The following MAPRE2 variants were observed in gnomAD, a reference collection of about 807,000 sequenced individuals.
The protein encoded by MAPRE2 is microtubule associated protein RP/EB family member 2.
Under a neutral mutation model 43.2 loss-of-function variants are expected in MAPRE2, and 13 were observed. The observed-to-expected ratio is 0.30, with a 90% CI of 0.20 to 0.48. The LOEUF (loss-of-function observed/expected upper bound fraction) is 0.48. MAPRE2 is among the 20% of genes least tolerant of loss of function. MAPRE2 has a pLI of 0.99. For missense variants in MAPRE2, 161 were observed against 400.2 expected, an observed-to-expected ratio of 0.40 and a Z score of 5.10; for synonymous variants, 135 against 148.8, an observed-to-expected ratio of 0.91 and a Z score of 0.68.
At chr18:35,048,646 T>C (rs1480925743) in intron 1 of MAPRE2, among the ~76,000 whole-genome samples, 1 of 149,166 alleles carries the variant, frequency 6.7e-6, no homozygotes, top group East Asian at 1.9e-4. Flanking sequence ...ACTATATGTG[T>C]ATATGTGTTT....
intron 1 of MAPRE2, among the ~76,000 whole-genome samples, chr18:34,986,404 C>T (rs1250746651): frequency 6.6e-6 from 1 of 152,166 alleles, no homozygotes; most frequent in African/African-American, 2.4e-5. Context: ...TGAGCAGCTT[C>T]AGCTCTCCAT....
At chr18:35,089,460 A>G (rs185648512) in intron 2 of MAPRE2, among the ~76,000 whole-genome samples, 145 of 152,350 alleles carry the variant, frequency 9.5e-4, no homozygotes, top group Middle Eastern at 3.4e-3. Flanking sequence ...CAATTCAACA[A>G]TAAAAAAGCA....
chr18:35,115,336 T>C (rs1433355767), intron 4 of MAPRE2, among the ~76,000 whole-genome samples: 2 of 152,210 alleles, frequency 1.3e-5, no homozygotes, highest in East Asian at 1.9e-4. Flanking sequence ...AGTATGCTAG[T>C]ACACTACACA....
Position 35,041,429 on chromosome 18 carries a change from A to T in MAPRE2, c.-111A>T. On this transcript the variant is annotated 5_prime_UTR_variant, in exon 1 of 7. Coordinates refer to ENST00000300249, the MANE Select transcript of MAPRE2 (RefSeq NM_014268.4). Reference sequence around the variant, plus strand: ...GAGAGCTGGGAGAAGGCAGTGAGCGAGCAGGCGGCAGGCACGGTCCGTGCG... The same window carrying T: ...GAGAGCTGGGAGAAGGCAGTGAGCGTGCAGGCGGCAGGCACGGTCCGTGCG... 6.4e-7 allele frequency: 1 copy of T among 1,574,696 alleles called. No homozygotes were observed. The highest frequency in any genetic ancestry group is 8.6e-7 in the Non-Finnish European group (1 of 1,160,366).
At chr18:34,986,410 T>C (rs940185778) in intron 1 of MAPRE2, among the ~76,000 whole-genome samples, 1 of 152,162 alleles carries the variant, frequency 6.6e-6, no homozygotes, top group African/African-American at 2.4e-5. Context: ...GCTTCAGCTC[T>C]CCATAAAGTG....
intron 2 of MAPRE2, among the ~76,000 whole-genome samples, chr18:35,089,865 G>T (rs1321257057): frequency 6.6e-6 from 1 of 152,078 alleles, no homozygotes; most frequent in East Asian, 1.9e-4. Context: ...ACTCAAAATA[G>T]TCCAAACATA....
chr18:35,084,309 A>T (rs535848293), intron 2 of MAPRE2, among the ~76,000 whole-genome samples: 11 of 152,306 alleles, frequency 7.2e-5, no homozygotes, highest in South Asian at 4.1e-4. Flanking sequence ...ATTACTTTTT[A>T]AAAAAGTATT....
chr18:35,115,611 AACACGC>A (rs1227679648), intron 4 of MAPRE2, among the ~76,000 whole-genome samples: 4 of 152,124 alleles, frequency 2.6e-5, no homozygotes, highest in African/African-American at 9.7e-5. Context: ...TAGAAATGAG[AACACGC>A]ACTATTTGAT....
intron 2 of MAPRE2, among the ~76,000 whole-genome samples, chr18:35,027,105 C>T (rs767849611): frequency 1.3e-5 from 2 of 152,110 alleles, no homozygotes; most frequent in Non-Finnish European, 1.5e-5. Context: ...GAAAACTCAG[C>T]GAGTAAAGAA....
intron 1 of MAPRE2, among the ~76,000 whole-genome samples, chr18:35,054,115 A>G (rs141515198): frequency 2.0e-4 from 30 of 152,226 alleles, no homozygotes; most frequent in African/African-American, 7.2e-4. Context: ...ATTCCATCTA[A>G]TTTGGCAGTT....
intron 1 of MAPRE2, among the ~76,000 whole-genome samples, chr18:34,996,267 C>T (rs9945180): frequency 0.011 from 1,604 of 152,100 alleles, 21 homozygotes; most frequent in African/African-American, 0.036. Context: ...TTTCCATAGA[C>T]TGGGGGTAGG....
chr18:34,989,226 T>G (rs910703976), intron 1 of MAPRE2, among the ~76,000 whole-genome samples: 2 of 152,256 alleles, frequency 1.3e-5, no homozygotes, highest in African/African-American at 4.8e-5. Context: ...TGTAAAGTTC[T>G]TCTTGTCTGT....
intron 1 of MAPRE2, among the ~76,000 whole-genome samples, chr18:35,003,861 T>C (rs1315780042): frequency 6.6e-6 from 1 of 152,224 alleles, no homozygotes; most frequent in East Asian, 1.9e-4. Context: ...TATCATTCAG[T>C]TGTAGAAAGA....
chr18:35,057,013 T>C (rs1016347558), intron 1 of MAPRE2, among the ~76,000 whole-genome samples: 2 of 152,050 alleles, frequency 1.3e-5, no homozygotes, highest in African/African-American at 4.8e-5. Context: ...TCTGTTTTTT[T>C]GTTTGTTTGT....
At chr18:35,078,819 G>C (rs116886324) in intron 2 of MAPRE2, among the ~76,000 whole-genome samples, 2,255 of 152,180 alleles carry the variant, frequency 0.015, 28 homozygotes, top group South Asian at 0.051. Flanking sequence ...TAATGACAAG[G>C]GTGTGTCCCA....
chr18:34,981,595 C>T (rs2097016242), intron 1 of MAPRE2, among the ~76,000 whole-genome samples: 2 of 152,132 alleles, frequency 1.3e-5, no homozygotes, highest in Admixed American at 6.5e-5. Flanking sequence ...TTTGGTCTTA[C>T]TAACATATCA....
chr18:35,024,004 T>C (rs2097043559), intron 2 of MAPRE2, among the ~76,000 whole-genome samples: 1 of 152,194 alleles, frequency 6.6e-6, no homozygotes, highest in African/African-American at 2.4e-5. Flanking sequence ...ATGTCAAATA[T>C]ACTACCATAA....
chr18:35,057,570 G>A (rs1481814302), intron 1 of MAPRE2, among the ~76,000 whole-genome samples: 1 of 151,512 alleles, frequency 6.6e-6, no homozygotes, highest in African/African-American at 2.4e-5. Context: ...TACTTCTAAT[G>A]CAAAAGTCTG....
chr18:35,022,249 C>A, intron 2 of MAPRE2, among the ~76,000 whole-genome samples: 1 of 151,898 alleles, frequency 6.6e-6, no homozygotes. Context: ...TGAAAGAATC[C>A]AATTACAAGA....
Sources: gnomAD v4.1 joint callset for allele counts (sites outside exome capture counted in the v4.1 genomes callset) on GRCh38, gnomAD v4.1.1 for gene constraint, MANE v1.5 for transcripts, NCBI Gene and HGNC (gene_info 2026-07-23, HGNC 2026-07-21) for gene names.